The following ADK variants were observed in gnomAD, a reference collection of about 807,000 sequenced individuals.
ADK encodes N6,N6-dimethyladenosine kinase.
Under a neutral mutation model 44.7 loss-of-function variants are expected in ADK, and 24 were observed. The observed-to-expected ratio is 0.54, with a 90% CI of 0.39 to 0.76. The LOEUF is 0.76. Among genes scored for constraint, ADK ranks in the 30% least tolerant of loss-of-function variants. The pLI, the probability that ADK is intolerant of heterozygous loss-of-function variation, is 0.00. For synonymous variants in ADK, 128 were observed against 142.6 expected, an observed-to-expected ratio of 0.90 and a Z score of 0.73; for missense variants, 321 against 425.1, an observed-to-expected ratio of 0.76 and a Z score of 2.15.
chr10:74,541,573 CA>C, intron 7 of ADK, among the ~76,000 whole-genome samples: 1 of 152,114 alleles, frequency 6.6e-6, no homozygotes, highest in South Asian at 2.1e-4. Context: ...ATGATTAATA[CA>C]TTTTTTATAG....
intron 3 of ADK, among the ~76,000 whole-genome samples, chr10:74,256,628 C>G (rs1364733793): frequency 6.6e-6 from 1 of 152,056 alleles, no homozygotes; most frequent in African/African-American, 2.4e-5. Flanking sequence ...TTCCATTTAC[C>G]ATGATAACTG....
intron 9 of ADK, chr10:74,655,717 T>G (rs1854460532): frequency 8.3e-6 from 4 of 484,434 alleles, no homozygotes; most frequent in Non-Finnish European, 1.6e-5. Flanking sequence ...GAGCTGAGCC[T>G]CACCAAGGAG....
At chr10:74,604,692 G>A (rs1298787503) in intron 9 of ADK, among the ~76,000 whole-genome samples, 1 of 152,144 alleles carries the variant, frequency 6.6e-6, no homozygotes, top group Non-Finnish European at 1.5e-5. Flanking sequence ...TTAGCATGAT[G>A]CCTCCAGCTT....
chr10:74,538,247 C>G (rs568042563), intron 7 of ADK, among the ~76,000 whole-genome samples: 1 of 150,798 alleles, frequency 6.6e-6, no homozygotes, highest in East Asian at 1.9e-4. Context: ...GAGCGAGACT[C>G]CGTCTCACAA....
intron 6 of ADK, among the ~76,000 whole-genome samples, chr10:74,497,790 C>G (rs942572864): frequency 1.3e-5 from 2 of 151,946 alleles, no homozygotes; most frequent in Non-Finnish European, 2.9e-5. Context: ...TCAGCCTGAG[C>G]AATAAAACAA....
chr10:74,671,680 T>C (rs914611779), intron 10 of ADK, among the ~76,000 whole-genome samples: 2 of 152,250 alleles, frequency 1.3e-5, no homozygotes, highest in Admixed American at 6.5e-5. Context: ...AAGAAAACCC[T>C]AGTGATTTCT....
intron 9 of ADK, among the ~76,000 whole-genome samples, chr10:74,651,535 A>T (rs566794890): frequency 1.3e-5 from 2 of 152,284 alleles, no homozygotes; most frequent in South Asian, 4.1e-4. Context: ...TCCTGCCTAA[A>T]CAGATCCTGA....
At position 74,443,334 on chromosome 10, in the gene ADK, A is replaced by T. The variant is rs559040759; in HGVS notation, c.555+44755A>T. 2.0e-4 allele frequency among the ~76,000 whole-genome samples: 31 copies of T among 152,300 alleles called. 2 individuals carry two copies. The highest frequency in any genetic ancestry group is 7.2e-4 in the African/African-American group (30 of 41,582). ...AAGAAAATTGAAAGAAAAATGTATTATATCCACACAGTGAAATATTATTTA... is the reference window on the plus strand; with the variant it reads ...AAGAAAATTGAAAGAAAAATGTATTTTATCCACACAGTGAAATATTATTTA... On this transcript the variant is annotated intron_variant, in intron 6 of 10. Transcript: ENST00000539909.
At chr10:74,626,082 G>C (rs1296103225) in intron 9 of ADK, among the ~76,000 whole-genome samples, 1 of 151,924 alleles carries the variant, frequency 6.6e-6, no homozygotes, top group Non-Finnish European at 1.5e-5. Context: ...TAGAAATTCT[G>C]GTAATAGACT....
At chr10:74,357,117 T>G (rs776274919) in intron 4 of ADK, among the ~76,000 whole-genome samples, 3 of 152,192 alleles carry the variant, frequency 2.0e-5, no homozygotes, top group Non-Finnish European at 2.9e-5. Flanking sequence ...TCATGGAGAT[T>G]GGAGCTCAGG....
intron 1 of ADK, among the ~76,000 whole-genome samples, chr10:74,165,374 A>G (rs1414706034): frequency 1.3e-5 from 2 of 152,094 alleles, no homozygotes; most frequent in Non-Finnish European, 2.9e-5. Flanking sequence ...TACAGCTACT[A>G]AGTATCCAAG....
At chr10:74,187,927 T>C (rs949152157) in intron 1 of ADK, among the ~76,000 whole-genome samples, 7 of 152,238 alleles carry the variant, frequency 4.6e-5, no homozygotes, top group African/African-American at 1.7e-4. Flanking sequence ...ATTGTAGCTT[T>C]ATAAGATTGG....
intron 4 of ADK, among the ~76,000 whole-genome samples, chr10:74,359,605 G>C (rs1025081119): frequency 6.6e-6 from 1 of 152,090 alleles, no homozygotes; most frequent in Non-Finnish European, 1.5e-5. Flanking sequence ...GTCTACTTGG[G>C]AGGCTGAAGC....
At chr10:74,643,985 G>A (rs570778699) in intron 9 of ADK, among the ~76,000 whole-genome samples, 8 of 152,178 alleles carry the variant, frequency 5.3e-5, no homozygotes, top group Non-Finnish European at 1.2e-4. Flanking sequence ...TCACTTCTCT[G>A]GGTTTCTATC....
Position 74,314,654 on chromosome 10 carries a change from G to A in ADK, c.195-13G>A, listed in dbSNP as rs1259336616. 4 of 1,603,070 alleles carry A rather than the reference G, an allele frequency of 2.5e-6. No homozygotes were observed. The Admixed American group carries it at 5.0e-5, about 20-fold the overall frequency. On this transcript the variant is annotated splice_polypyrimidine_tract_variant and intron_variant, in intron 3 of 10. Transcript: ENST00000539909. ...AAGGTAACTTACTTTTTTCTACTGT[G>A]ATTTCCTTATAGGTTTGATGAACTT...
intron 4 of ADK, among the ~76,000 whole-genome samples, chr10:74,362,056 T>G (rs866916868): frequency 9.9e-5 from 15 of 152,204 alleles, no homozygotes; most frequent in African/African-American, 3.6e-4. Flanking sequence ...TTCTTTGTGT[T>G]TAATCTAATT....
At chr10:74,443,689 G>A (rs1358811971) in intron 6 of ADK, among the ~76,000 whole-genome samples, 2 of 152,074 alleles carry the variant, frequency 1.3e-5, no homozygotes, top group Non-Finnish European at 2.9e-5. Context: ...CAATTTATAT[G>A]TGAATTAGAT....
chr10:74,174,011 C>T (rs1009645372), intron 1 of ADK, among the ~76,000 whole-genome samples: 1 of 151,742 alleles, frequency 6.6e-6, no homozygotes, highest in African/African-American at 2.4e-5. Context: ...AGTTTAAGAA[C>T]CAGTTTAAAG....
chr10:74,584,251 CTTGAA>C (rs1172095203), intron 7 of ADK, among the ~76,000 whole-genome samples: 1 of 152,188 alleles, frequency 6.6e-6, no homozygotes, highest in African/African-American at 2.4e-5. Context: ...TTAACAAGAA[CTTGAA>C]TTCAATAGGC....
Sources: gnomAD v4.1 joint callset for allele counts (sites outside exome capture counted in the v4.1 genomes callset) on GRCh38, gnomAD v4.1.1 for gene constraint, MANE v1.5 for transcripts, NCBI Gene and HGNC (gene_info 2026-07-23, HGNC 2026-07-21) for gene names.